Variants in OTOG observed in about 807,000 individuals in gnomAD.
OTOG encodes the protein otogelin.
OTOG carries 296 observed loss-of-function variants against 313.8 expected under a neutral mutation model. The ratio of observed to expected loss-of-function variants is 0.94; its 90% CI spans 0.86 to 1.04. The LOEUF is 1.04. Ranked by LOEUF, OTOG falls within the 50% of genes least tolerant of loss-of-function variation. The pLI, the probability that OTOG is intolerant of heterozygous loss-of-function variation, is 0.00. For missense variants in OTOG, 3,948 were observed against 3,840.1 expected, an observed-to-expected ratio of 1.03 and a Z score of -0.74; for synonymous variants, 1,533 against 1,554.9, an observed-to-expected ratio of 0.99 and a Z score of 0.33.
chr11:17,589,791 C>G (rs991691334), intron 24 of OTOG, among the ~76,000 whole-genome samples: 1 of 152,184 alleles, frequency 6.6e-6, no homozygotes, highest in Non-Finnish European at 1.5e-5. Context: ...ACTATTCCTA[C>G]TAAGGTCACC....
chr11:17,604,529 C>G (rs772015087), intron 32 of OTOG, among the ~76,000 whole-genome samples: 5 of 152,222 alleles, frequency 3.3e-5, no homozygotes, highest in Non-Finnish European at 5.9e-5. Context: ...CCCTGCCTCC[C>G]TCATCCGCCG....
Position 17,557,353 on chromosome 11 carries a change from G to A in OTOG, c.865+30G>A, listed in dbSNP as rs1052519581. ...GGGTCAGACAGGTGGCCTCTGAGGG[G>A]TGTTGGTGGGGATGGGGGACAGGTC... On this transcript the variant is annotated intron_variant, in intron 8 of 55. Transcript: ENST00000399397. The A allele has an allele frequency of 4.5e-6, 7 of 1,545,270 alleles. No individual in the cohort carries two copies. The South Asian group carries it at 6.0e-5, about 13-fold the overall frequency.
chr11:17,617,134 C>T (rs550764830), intron 39 of OTOG, among the ~76,000 whole-genome samples: 20 of 152,274 alleles, frequency 1.3e-4, no homozygotes, highest in African/African-American at 4.8e-4. Flanking sequence ...TTCTTTTTCA[C>T]ATTATTAATT....
intron 39 of OTOG, among the ~76,000 whole-genome samples, chr11:17,616,644 T>C (rs573184008): frequency 2.0e-5 from 3 of 152,346 alleles, no homozygotes; most frequent in African/African-American, 7.2e-5. Flanking sequence ...CTATTGTAAG[T>C]AATTGTGTTG....
chr11:17,606,242 C>T lies in OTOG; in HGVS notation c.4156+107C>T. ...TCCAATTACCCCTAAGAAGCAGAAT[C>T]CTCCTTCTCCTGGCACAGGGGCCAC... On this transcript the variant is annotated intron_variant, in intron 33 of 55. Transcript: ENST00000399397. The T allele has an allele frequency of 3.7e-6, 5 of 1,340,194 alleles. No individual in the cohort carries two copies. In the South Asian group the frequency reaches 6.3e-5, roughly 17 times the overall value. 83.0% of individuals were successfully genotyped at this position (1,340,194 alleles called of 1,614,324 possible).
chr11:17,562,883 G>C (rs1409605432), intron 15 of OTOG, among the ~76,000 whole-genome samples: 1 of 152,148 alleles, frequency 6.6e-6, no homozygotes, highest in Non-Finnish European at 1.5e-5. Context: ...TGGAGACTGG[G>C]ATGAATTAGA....
chr11:17,558,264 T>C lies in OTOG; in HGVS notation c.945T>C (p.Thr315=). The change falls in exon 9 of 56, where the codon ACT becomes ACC. Residue 315 remains threonine, a synonymous_variant. Transcript: ENST00000399397. ...QAPNQPPGPT[T]SSLPRPPCLQ... is the part of the protein sequence containing the mutation. ...CTAACCAGCCTCCAGGGCCCACAAC[T>C]TCCTCCCTGCCTCGCCCACCGTGCC... 6.4e-7 allele frequency: 1 copy of C among 1,550,662 alleles called. No homozygotes were observed. The highest frequency in any genetic ancestry group is 8.7e-7 in the Non-Finnish European group (1 of 1,147,018).
chr11:17,561,908 C>G (rs1392200975), intron 15 of OTOG, 101 bp downstream of exon 15: 2 of 1,383,556 alleles, frequency 1.4e-6, no homozygotes, highest in African/African-American at 2.9e-5. Flanking sequence ...CTTCCCATGG[C>G]CCCCACCTGC....
chr11:17,563,463 G>C (rs1852232535), intron 15 of OTOG, among the ~76,000 whole-genome samples: 1 of 152,298 alleles, frequency 6.6e-6, no homozygotes, highest in South Asian at 2.1e-4. Context: ...TCTCCTTTTG[G>C]CCTGAGTGTG....
At chr11:17,631,352 C>T (rs889513461) in intron 40 of OTOG, among the ~76,000 whole-genome samples, 1 of 140,696 alleles carries the variant, frequency 7.1e-6, no homozygotes, top group Non-Finnish European at 1.5e-5. Context: ...ATTTGCTTCT[C>T]TCCTTCTCTC....
At chr11:17,559,770 A>G in intron 12 of OTOG, 108 bp downstream of exon 12, 1 of 320,370 alleles carries the variant, frequency 3.1e-6, no homozygotes, top group African/African-American at 2.2e-5. Flanking sequence ...AAGGAAGGAA[A>G]GGAGGGAGGG....
At chr11:17,569,028 G>A (rs1342453016) in intron 15 of OTOG, 128 bp from the exon 16 acceptor site, 1 of 1,119,252 alleles carries the variant, frequency 8.9e-7, no homozygotes, top group Non-Finnish European at 1.3e-6. Flanking sequence ...ATATCTTTGG[G>A]GCTCTGTCTG....
At chr11:17,583,975 A>G (rs181649872) in intron 23 of OTOG, among the ~76,000 whole-genome samples, 2 of 152,316 alleles carry the variant, frequency 1.3e-5, no homozygotes, top group Admixed American at 6.5e-5. Context: ...ATTGGTCTTC[A>G]TTAATTTCTC....
chr11:17,609,857 AGTGGT>A lies in OTOG; in HGVS notation c.4560_4564del (p.Val1521SerfsTer78). On this transcript the variant is annotated frameshift_variant, in exon 36 of 56. Transcript: ENST00000399397. LOFTEE classifies it high-confidence loss of function. ...CACCAGTGACAGCCACTGAGGAGCC[AGTGGT>A]GTCTCCAGGCCCCACCCAGACCACC... 6.6e-7 allele frequency: 1 copy of A among 1,517,920 alleles called. No homozygotes were observed. Among genetic ancestry groups the A allele is most frequent in the Non-Finnish European group, 8.9e-7 (1 of 1,127,074 alleles). The allele number at this position is 1,517,920 out of a possible 1,614,324, so 94.0% of individuals were successfully genotyped here.
chr11:17,622,261 T>C (rs1005480206), intron 39 of OTOG, among the ~76,000 whole-genome samples: 3 of 152,226 alleles, frequency 2.0e-5, no homozygotes, highest in African/African-American at 7.2e-5. Context: ...ATAGTAGGTA[T>C]ATATATTTGT....
chr11:17,629,061 C>A (rs769026072), intron 39 of OTOG, 72 bp from the exon 40 acceptor site: 1 of 1,385,516 alleles, frequency 7.2e-7, no homozygotes, highest in Non-Finnish European at 9.9e-7. Context: ...AATGGATGGA[C>A]GGACAGATGG....
At chr11:17,596,246 G>C (rs1278085059) in intron 29 of OTOG, 92 bp downstream of exon 29, 2 of 928,078 alleles carry the variant, frequency 2.2e-6, no homozygotes, top group Non-Finnish European at 3.4e-6. Context: ...TCTCAGAGGA[G>C]ACAGCTCAGA....
intron 4 of OTOG, among the ~76,000 whole-genome samples, chr11:17,552,583 T>TCC (rs1851964487): frequency 8.0e-5 from 11 of 136,946 alleles, no homozygotes; most frequent in African/African-American, 2.5e-4. Context: ...CTGTCCTGTG[T>TCC]CTCCCACCTG....
intron 24 of OTOG, among the ~76,000 whole-genome samples, chr11:17,589,056 C>A (rs1001290634): frequency 6.6e-6 from 1 of 152,186 alleles, no homozygotes; most frequent in Non-Finnish European, 1.5e-5. Context: ...TTCTGTTCCT[C>A]CTCCTGCTTT....
Sources: gnomAD v4.1 joint callset for allele counts (sites outside exome capture counted in the v4.1 genomes callset) on GRCh38, gnomAD v4.1.1 for gene constraint, MANE v1.5 for transcripts, NCBI Gene and HGNC (gene_info 2026-07-23, HGNC 2026-07-21) for gene names.